SNU13: variants seen among roughly 807,000 people sequenced by gnomAD.
SNU13 encodes the protein small nuclear ribonucleoprotein 13, also known as NHP2-like protein 1.
A neutral mutation model predicts 12.4 loss-of-function variants in SNU13; 2 were observed. The ratio of observed to expected loss-of-function variants is 0.16; its 90% CI spans 0.07 to 0.51. SNU13 has a LOEUF of 0.51. Among genes scored for constraint, SNU13 ranks in the 20% least tolerant of loss-of-function variants. The pLI, the probability that SNU13 is intolerant of heterozygous loss-of-function variation, is 0.96. For missense variants in SNU13, 66 were observed against 157.8 expected (o/e 0.42, Z 3.12); for synonymous variants, 68 against 66.5 (o/e 1.02, Z -0.11).
chr22:41,682,589 T>C (rs1024033287), intron 1 of SNU13: 5 of 1,432,990 alleles, frequency 3.5e-6, no homozygotes, highest in Non-Finnish European at 4.6e-6. Context: ...CCAGGACAAC[T>C]AGGAAGAATT....
rs187400652 is a variant in SNU13, at chr22:41,680,141, C to G, written c.124+103G>C. ...CCAAAGTCCTCCCACTGGTTGTAGT[C>G]GAGAGCAGCTAGCCCTCCTCCCAAA... On this transcript the variant is annotated intron_variant, in intron 2 of 2. Coordinates refer to ENST00000401959, the MANE Select transcript of SNU13 (RefSeq NM_001003796.2). 89 of 1,375,324 alleles carry G rather than the reference C, an allele frequency of 6.5e-5. No individual in the cohort carries two copies. In the African/African-American group the frequency reaches 1.1e-3, roughly 17 times the overall value. The allele number at this position is 1,375,324 out of a possible 1,614,324, so 85.2% of individuals were successfully genotyped here. A position where few individuals can be genotyped will look rare whatever the true frequency, so the allele number is the denominator to read the frequency against.
chr22:41,678,742 C>T (rs1003431466), intron 2 of SNU13, among the ~76,000 whole-genome samples: 1 of 152,160 alleles, frequency 6.6e-6, no homozygotes, highest in Non-Finnish European at 1.5e-5. Context: ...ACTGCTATAC[C>T]AGGCACTGCA....
intron 1 of SNU13, among the ~76,000 whole-genome samples, chr22:41,683,899 G>GT (rs575071645): frequency 9.8e-4 from 148 of 150,552 alleles, no homozygotes; most frequent in Admixed American, 3.1e-3. Context: ...TAGGAGCAGG[G>GT]TTTTTTTTTG....
Position 41,680,248 on chromosome 22 carries a change from A to G in SNU13, c.120T>C (p.Asn40=). 1 of 1,613,522 alleles carries G rather than the reference A, an allele frequency of 6.2e-7. No homozygotes were observed. The highest frequency in any genetic ancestry group is 8.5e-7 in the Non-Finnish European group (1 of 1,179,696). ...AGCATCCTGTGGCTGCCTTACCCTC[A>G]TTGGCTCCTTTCCGAAGCTGCTTAT... ...CNYKQLRKGA[N]EATKTLNRGI... Residue 40 remains asparagine, a synonymous_variant, in exon 2 of 3, where the codon AAT becomes AAC. Coordinates refer to ENST00000401959, the MANE Select transcript of SNU13 (RefSeq NM_001003796.2).
chr22:41,682,444 G>T, intron 1 of SNU13: 2 of 1,609,358 alleles, frequency 1.2e-6, no homozygotes, highest in South Asian at 1.1e-5. Flanking sequence ...GCACCGCAAG[G>T]ACACGGATGC....
intron 1 of SNU13, among the ~76,000 whole-genome samples, 193 bp from the exon 2 acceptor site, chr22:41,680,557 G>A (rs565106490): frequency 1.3e-5 from 2 of 152,170 alleles, no homozygotes; most frequent in South Asian, 2.1e-4. Flanking sequence ...ACACTATTAG[G>A]AATTACACAG....
intron 1 of SNU13, among the ~76,000 whole-genome samples, chr22:41,686,006 C>G (rs1015680866): frequency 6.6e-6 from 1 of 151,324 alleles, no homozygotes; most frequent in African/African-American, 2.4e-5. Context: ...GACAGGATCT[C>G]ACTATTTTGC....
At chr22:41,688,919 AG>A, upstream of SNU13, 1 of 1,454,998 alleles carries the variant, frequency 6.9e-7, no homozygotes, top group Non-Finnish European at 9.1e-7. Context: ...CAGGAAGCGA[AG>A]GTGACGCTAC....
chr22:41,677,666 C>G (rs935129804), intron 2 of SNU13, among the ~76,000 whole-genome samples: 2 of 152,274 alleles, frequency 1.3e-5, no homozygotes, highest in East Asian at 1.9e-4. Flanking sequence ...TAAGTAAGAT[C>G]ATAGCAATCT....
chr22:41,680,624 A>G (rs1230658864), intron 1 of SNU13, among the ~76,000 whole-genome samples: 4 of 152,220 alleles, frequency 2.6e-5, no homozygotes, highest in African/African-American at 9.6e-5. Flanking sequence ...CGAATGTTTG[A>G]TAATATTACA....
intron 1 of SNU13, among the ~76,000 whole-genome samples, chr22:41,684,796 G>C (rs144925487): frequency 6.6e-6 from 1 of 152,156 alleles, no homozygotes; most frequent in Non-Finnish European, 1.5e-5. Flanking sequence ...ACTGATTGAG[G>C]CCTGAAGTTT....
At position 41,675,026 on chromosome 22, in the gene SNU13, A is replaced by G. The variant is rs141373614; in HGVS notation, c.294T>C (p.Pro98=). 21 of 1,614,208 alleles carry G rather than the reference A, an allele frequency of 1.3e-5. No homozygotes were observed. In the Middle Eastern group the frequency reaches 4.9e-4, roughly 38 times the overall value. ...TGATGGTGACAGAACAGGCGATGACAGGCCTGGAGACCCCACAGGCTCTCC... is the reference window on the plus strand; with the variant it reads ...TGATGGTGACAGAACAGGCGATGACGGGCCTGGAGACCCCACAGGCTCTCC... The part of the protein sequence containing the change: ...ALGRACGVSR[P]VIACSVTIKE... Residue 98 remains proline (P), a synonymous_variant, in exon 3 of 3, where the codon CCT becomes CCC. Coordinates refer to ENST00000401959, the MANE Select transcript of SNU13 (RefSeq NM_001003796.2).
At chr22:41,689,808 G>A (rs566467287), upstream of SNU13, among the ~76,000 whole-genome samples, 20 of 150,714 alleles carry the variant, frequency 1.3e-4, no homozygotes, top group South Asian at 2.7e-3. Context: ...AGAAACCCCC[G>A]TCTCTACTAA....
chr22:41,688,694 T>A, intron 1 of SNU13, 100 bp downstream of exon 1: 1 of 1,471,408 alleles, frequency 6.8e-7, no homozygotes, highest in South Asian at 1.3e-5. Flanking sequence ...CGCCGGCGGA[T>A]GAGACGGCGC....
rs1400812299 is a variant in SNU13, at chr22:41,674,434, GAAC to G, written c.*496_*498del. On this transcript the variant is annotated 3_prime_UTR_variant, in exon 3 of 3. Transcript: ENST00000401959. Reference sequence around the variant, plus strand: ...TTGGACATAGCCGAACAACCTCACAGAACACATGCTTCCTCCCCAAATGATACC... The same window carrying G: ...TTGGACATAGCCGAACAACCTCACAGACATGCTTCCTCCCCAAATGATACC... 1.2e-5 allele frequency: 2 copies of G among 160,008 alleles called. No individual in the cohort carries two copies. The highest frequency in any genetic ancestry group is 4.8e-5 in the African/African-American group (2 of 41,528). 9.9% of individuals were successfully genotyped at this position (160,008 alleles called of 1,614,324 possible).
At chr22:41,688,618 G>C (rs769549282) in intron 1 of SNU13, among the ~76,000 whole-genome samples, 176 bp downstream of exon 1, 3 of 152,226 alleles carry the variant, frequency 2.0e-5, no homozygotes, top group South Asian at 2.1e-4. Flanking sequence ...TTCTAACCTC[G>C]GGCCAGGCTG....
chr22:41,676,602 T>C (rs760950303), intron 2 of SNU13, among the ~76,000 whole-genome samples: 2 of 151,924 alleles, frequency 1.3e-5, no homozygotes, highest in Non-Finnish European at 2.9e-5. Flanking sequence ...TTATGCTGGG[T>C]TTGAATTGAA....
At chr22:41,680,508 C>A (rs2068253735) in intron 1 of SNU13, 144 bp from the exon 2 acceptor site, 3 of 770,412 alleles carry the variant, frequency 3.9e-6, no homozygotes, top group East Asian at 2.8e-5. Flanking sequence ...AGGTAGTTAA[C>A]AATGGACTTT....
chr22:41,674,630 T>C lies in SNU13; in HGVS notation c.*303A>G, dbSNP rs2068194753. ...GAACCAGATCTCTGTCCTGGCTCCA[T>C]CAGCTTTCTCCTGGCTCTTTCTGCC... On this transcript the variant is annotated 3_prime_UTR_variant, in exon 3 of 3. Coordinates refer to ENST00000401959, the MANE Select transcript of SNU13 (RefSeq NM_001003796.2). The C allele has an allele frequency of 2.8e-6, 1 of 352,582 alleles. No individual in the cohort carries two copies. Among genetic ancestry groups the C allele is most frequent in the South Asian group, 3.1e-5 (1 of 32,312 alleles). 21.8% of individuals were successfully genotyped at this position (352,582 alleles called of 1,614,324 possible). A position where few individuals can be genotyped will look rare whatever the true frequency, so the allele number is the denominator to read the frequency against.
Sources: allele counts gnomAD v4.1 joint callset (sites outside exome capture counted in the v4.1 genomes callset), GRCh38; gene constraint gnomAD v4.1.1; transcripts MANE v1.5; gene names NCBI Gene and HGNC (gene_info 2026-07-23, HGNC 2026-07-21).